The following CACNA1C variants were observed in gnomAD, a reference collection of about 807,000 sequenced individuals.
CACNA1C encodes calcium voltage-gated channel subunit alpha1 C.
CACNA1C carries 30 observed loss-of-function variants against 229.0 expected under a neutral mutation model. That is an observed-to-expected ratio of 0.13 (90% CI 0.10 to 0.18). The LOEUF (loss-of-function observed/expected upper bound fraction) is 0.18, where lower values mean the gene tolerates loss of function less well. Ranked by LOEUF, CACNA1C falls within the 10% of genes least tolerant of loss-of-function variation. The pLI, the probability that CACNA1C is intolerant of heterozygous loss-of-function variation, is 1.00. For synonymous variants in CACNA1C, 1,114 were observed against 1,132.5 expected (o/e 0.98, Z 0.33); for missense variants, 1,658 against 2,845.0 (o/e 0.58, Z 9.49).
At chr12:2,159,407 A>G (rs2095718644) in intron 3 of CACNA1C, among the ~76,000 whole-genome samples, 1 of 151,908 alleles carries the variant, frequency 6.6e-6, no homozygotes, top group Admixed American at 6.6e-5. Context: ...AGGTGGGAGG[A>G]TTGCTTGAGT....
intron 13 of CACNA1C, among the ~76,000 whole-genome samples, chr12:2,571,961 C>A (rs1397136172): frequency 6.6e-6 from 1 of 151,888 alleles, no homozygotes; most frequent in African/African-American, 2.4e-5. Context: ...CAAGTGCATG[C>A]CTTCTTCTTT....
chr12:2,661,280 T>TACACACACACACACACACAC (rs1210712672), intron 34 of CACNA1C, among the ~76,000 whole-genome samples: 107 of 123,470 alleles, frequency 8.7e-4, no homozygotes, highest in Middle Eastern at 4.3e-3. Context: ...TACACACACA[T>TACACACACACACACACACAC]ACACACACAC....
At chr12:2,409,903 G>C (rs1176282064) in intron 3 of CACNA1C, among the ~76,000 whole-genome samples, 1 of 152,224 alleles carries the variant, frequency 6.6e-6, no homozygotes, top group African/African-American at 2.4e-5. Context: ...GGAGGAGAGG[G>C]AAGTAGGGCT....
At chr12:2,357,721 A>G (rs1593977232) in intron 3 of CACNA1C, among the ~76,000 whole-genome samples, 1 of 150,720 alleles carries the variant, frequency 6.6e-6, no homozygotes, top group Non-Finnish European at 1.5e-5. Context: ...CTGTAATCCC[A>G]GCACTTTGGG....
chr12:2,041,590 T>C (rs893327077), intron 1 of CACNA1C, among the ~76,000 whole-genome samples: 1 of 152,192 alleles, frequency 6.6e-6, no homozygotes, highest in Non-Finnish European at 1.5e-5. Flanking sequence ...AAGGGTATTC[T>C]TGATATCCGC....
chr12:2,576,388 G>A (rs1257063305), intron 13 of CACNA1C, among the ~76,000 whole-genome samples: 1 of 152,166 alleles, frequency 6.6e-6, no homozygotes. Context: ...GAGCTTGTGG[G>A]CATGTGTGTG....
chr12:2,596,494 C>T (rs1330125574), intron 20 of CACNA1C, among the ~76,000 whole-genome samples: 7 of 152,192 alleles, frequency 4.6e-5, no homozygotes, highest in Admixed American at 1.3e-4. Context: ...TTAAGAATTG[C>T]TCTATCTCAA....
intron 3 of CACNA1C, among the ~76,000 whole-genome samples, chr12:2,443,375 G>A (rs1307489470): frequency 6.6e-6 from 1 of 152,246 alleles, no homozygotes; most frequent in Admixed American, 6.5e-5. Flanking sequence ...GCACACTGGT[G>A]TGAGGGGTGG....
intron 30 of CACNA1C, among the ~76,000 whole-genome samples, chr12:2,637,171 C>G (rs1429710390): frequency 6.6e-6 from 1 of 152,202 alleles, no homozygotes; most frequent in African/African-American, 2.4e-5. Context: ...CAAAGCGTTA[C>G]CAACATGCCC....
chr12:2,120,211 G>T, intron 2 of CACNA1C, 114 bp from the exon 3 acceptor site: 1 of 725,172 alleles, frequency 1.4e-6, no homozygotes. Context: ...GGCTTGGAAT[G>T]CATTGTTTAA....
At position 2,136,686 on chromosome 12, in the gene CACNA1C, G is replaced by C. The variant is rs111252610; in HGVS notation, c.477+16256G>C. On this transcript the variant is annotated intron_variant, in intron 3 of 46. Coordinates refer to ENST00000399655, the MANE Select transcript of CACNA1C (RefSeq NM_000719.7). ...CTGGGGGCATGCCATGGAGCCCCCAGGCCATGCCATTTGGAAAGCATAAGG... is the reference window on the plus strand; with the variant it reads ...CTGGGGGCATGCCATGGAGCCCCCACGCCATGCCATTTGGAAAGCATAAGG... Among the ~76,000 whole-genome samples, 9 of 151,216 alleles carry C rather than the reference G, an allele frequency of 6.0e-5. 1 individual carries two copies. The highest frequency in any genetic ancestry group is 1.9e-4 in the African/African-American group (8 of 41,448).
chr12:1,993,250 T>G lies in CACNA1C; in HGVS notation c.139+22049T>G, dbSNP rs781301740. 5 of 1,613,922 alleles carry G rather than the reference T, an allele frequency of 3.1e-6. No homozygotes were observed. In the African/African-American group the frequency reaches 6.7e-5, roughly 22 times the overall value. ...TCAGAAGTAAAACAACCCACTGTAG[T>G]AAGAAAGACTCACATCTGGCATTTC... On this transcript the variant is annotated intron_variant, in intron 1 of 46. Coordinates refer to the CACNA1C transcript ENST00000682462.
intron 34 of CACNA1C, among the ~76,000 whole-genome samples, chr12:2,662,517 C>T (rs764461140): frequency 7.2e-5 from 11 of 152,146 alleles, no homozygotes; most frequent in South Asian, 2.1e-4. Context: ...AGAGATGCCA[C>T]GTTTCTGGCC....
chr12:2,249,915 T>C (rs2074956686), intron 3 of CACNA1C, among the ~76,000 whole-genome samples: 1 of 152,016 alleles, frequency 6.6e-6, no homozygotes, highest in South Asian at 2.1e-4. Flanking sequence ...TTCACACCAT[T>C]CTCCTGCCTC....
chr12:2,491,385 T>A (rs139099784), intron 6 of CACNA1C, among the ~76,000 whole-genome samples: 51 of 151,274 alleles, frequency 3.4e-4, no homozygotes, highest in Middle Eastern at 3.4e-3. Context: ...AAATTATAAG[T>A]CAATAAAGCT....
intron 1 of CACNA1C, among the ~76,000 whole-genome samples, chr12:2,031,306 C>T (rs1174523688): frequency 1.3e-5 from 2 of 152,190 alleles, no homozygotes; most frequent in Non-Finnish European, 2.9e-5. Flanking sequence ...ACTCGTGGCA[C>T]TCAAGAGCTT....
intron 9 of CACNA1C, among the ~76,000 whole-genome samples, chr12:2,523,903 C>T (rs1217797723): frequency 1.3e-5 from 2 of 152,202 alleles, no homozygotes; most frequent in Admixed American, 6.5e-5. Context: ...ACCCACTCCA[C>T]GCTTCCTTCT....
intron 3 of CACNA1C, among the ~76,000 whole-genome samples, chr12:2,258,057 A>C (rs947892808): frequency 6.6e-6 from 1 of 152,276 alleles, no homozygotes; most frequent in African/African-American, 2.4e-5. Flanking sequence ...AGAGGGAGGC[A>C]GAGTTTCTTT....
At position 2,596,012 on chromosome 12, in the gene CACNA1C, C is replaced by T. The variant is rs1339279193; in HGVS notation, c.2793+9C>T. Reference sequence around the variant, plus strand: ...CCTCCTTCAGGAACCATGTATGCATCGCCTGTGTCTTCTGCACTCCTTCCC... The same window carrying T: ...CCTCCTTCAGGAACCATGTATGCATTGCCTGTGTCTTCTGCACTCCTTCCC... On this transcript the variant is annotated intron_variant, in intron 20 of 46. Coordinates refer to ENST00000399655, the MANE Select transcript of CACNA1C (RefSeq NM_000719.7). 7 of 1,609,172 alleles carry T rather than the reference C, an allele frequency of 4.4e-6. No homozygotes were observed. The highest frequency in any genetic ancestry group is 1.7e-5 in the Admixed American group (1 of 59,756).
Sources: gnomAD v4.1 joint callset for allele counts (sites outside exome capture counted in the v4.1 genomes callset) on GRCh38, gnomAD v4.1.1 for gene constraint, MANE v1.5 for transcripts, NCBI Gene and HGNC (gene_info 2026-07-23, HGNC 2026-07-21) for gene names.